PDSS2: variants seen among roughly 807,000 people sequenced by gnomAD.
The protein encoded by PDSS2 is all trans-polyprenyl-diphosphate synthase PDSS2.
In PDSS2, 31 loss-of-function variants were observed where a neutral mutation model predicts 44.5. The observed-to-expected ratio is 0.70, with a 90% CI of 0.52 to 0.94. The LOEUF (loss-of-function observed/expected upper bound fraction) is 0.94. Ranked by LOEUF, PDSS2 falls within the 40% of genes least tolerant of loss-of-function variation. PDSS2 has a pLI of 0.00. For missense variants in PDSS2, 452 were observed against 482.2 expected, an observed-to-expected ratio of 0.94 and a Z score of 0.59; for synonymous variants, 157 against 180.3, an observed-to-expected ratio of 0.87 and a Z score of 1.03.
intron 4 of PDSS2, among the ~76,000 whole-genome samples, chr6:107,229,335 C>G (rs145417515): frequency 6.6e-6 from 1 of 152,030 alleles, no homozygotes; most frequent in African/African-American, 2.4e-5. Flanking sequence ...TACAGGCGTG[C>G]ACCACCATGC....
At chr6:107,453,472 A>T (rs1781940391) in intron 1 of PDSS2, among the ~76,000 whole-genome samples, 1 of 151,644 alleles carries the variant, frequency 6.6e-6, no homozygotes, top group South Asian at 2.1e-4. Context: ...AAAAAAAACT[A>T]TCCTCCCTCC....
At chr6:107,356,662 A>G (rs1238355550) in intron 1 of PDSS2, among the ~76,000 whole-genome samples, 2 of 152,218 alleles carry the variant, frequency 1.3e-5, no homozygotes, top group Non-Finnish European at 2.9e-5. Context: ...CTCCTTTCAA[A>G]TTATTTGCAA....
rs149180183 is a variant in PDSS2, at chr6:107,420,631, T to C, written c.296+38359A>G. Among the ~76,000 whole-genome samples the C allele has an allele frequency of 2.3e-3, 356 of 151,886 alleles. 2 individuals carry two copies. Among genetic ancestry groups the C allele is most frequent in the African/African-American group, 8.0e-3 (333 of 41,424 alleles). On this transcript the variant is annotated intron_variant, in intron 1 of 7. Transcript: ENST00000369037. Reference sequence around the variant, plus strand: ...ACAACTGGACATCCATGGGCAAAAATAAAAAATAAAATAGAAGCTTGACTT... The same window carrying C: ...ACAACTGGACATCCATGGGCAAAAACAAAAAATAAAATAGAAGCTTGACTT...
At chr6:107,312,475 T>G (rs1232769089) in intron 2 of PDSS2, among the ~76,000 whole-genome samples, 1 of 152,198 alleles carries the variant, frequency 6.6e-6, no homozygotes, top group Non-Finnish European at 1.5e-5. Flanking sequence ...GCCCCACTAC[T>G]ATGTCACTTT....
chr6:107,246,463 T>C (rs1418404878), intron 3 of PDSS2, among the ~76,000 whole-genome samples: 1 of 152,216 alleles, frequency 6.6e-6, no homozygotes, highest in Non-Finnish European at 1.5e-5. Context: ...TCTTGTATAT[T>C]TAACTTCCTA....
At position 107,162,931 on chromosome 6, in the gene PDSS2, TATCTAACATTTAGTC is replaced by T. The variant is rs1268852985; in HGVS notation, c.1042-8169_1042-8155del. Among the ~76,000 whole-genome samples the T allele has an allele frequency of 3.3e-5, 5 of 151,880 alleles. No individual in the cohort carries two copies. In the East Asian group the frequency reaches 7.7e-4, roughly 23 times the overall value. On this transcript the variant is annotated intron_variant, in intron 7 of 7. Coordinates refer to ENST00000369037, the MANE Select transcript of PDSS2 (RefSeq NM_020381.4). ...CGATAATTCTGGCACAGGGCTGAATTATCTAACATTTAGTCCAGGTGTAAATTTCTCCAATTGGTT... is the reference window on the plus strand; with the variant it reads ...CGATAATTCTGGCACAGGGCTGAATTCAGGTGTAAATTTCTCCAATTGGTT...
chr6:107,398,461 T>A (rs1288480964), intron 1 of PDSS2, among the ~76,000 whole-genome samples: 1 of 152,234 alleles, frequency 6.6e-6, no homozygotes, highest in Non-Finnish European at 1.5e-5. Context: ...TCTGAATTTC[T>A]GATACAGTAA....
chr6:107,159,234 A>G (rs1771026201), intron 7 of PDSS2, among the ~76,000 whole-genome samples: 1 of 151,330 alleles, frequency 6.6e-6, no homozygotes, highest in East Asian at 1.9e-4. Context: ...GTGATATACA[A>G]TAACCTCAAA....
intron 7 of PDSS2, among the ~76,000 whole-genome samples, chr6:107,190,537 A>G (rs1237192854): frequency 6.6e-6 from 1 of 152,208 alleles, no homozygotes; most frequent in Non-Finnish European, 1.5e-5. Flanking sequence ...TAAATGGATC[A>G]TTATAATATA....
At chr6:107,458,906 TGA>T (rs1782146586) in intron 1 of PDSS2, 82 bp downstream of exon 1, 3 of 1,214,848 alleles carry the variant, frequency 2.5e-6, no homozygotes, top group Non-Finnish European at 3.6e-6. Flanking sequence ...GGAGCCAGTC[TGA>T]GAGAGCTAGA....
chr6:107,205,695 G>A (rs1348502229), intron 6 of PDSS2, among the ~76,000 whole-genome samples: 1 of 152,054 alleles, frequency 6.6e-6, no homozygotes, highest in East Asian at 1.9e-4. Context: ...GTGTGGTTGT[G>A]TGCGTGTGTG....
intron 4 of PDSS2, among the ~76,000 whole-genome samples, chr6:107,239,746 A>G (rs987090059): frequency 7.0e-6 from 1 of 143,866 alleles, no homozygotes; most frequent in African/African-American, 2.6e-5. Flanking sequence ...GGTTCAAGCG[A>G]TTCTCCTGCC....
Position 107,153,305 on chromosome 6 carries a change from G to A in PDSS2, c.*1314C>T, listed in dbSNP as rs1003409942. The A allele has an allele frequency of 6.6e-6, 1 of 152,546 alleles. No homozygotes were observed. Among genetic ancestry groups the A allele is most frequent in the Admixed American group, 6.6e-5 (1 of 15,262 alleles). 9.4% of individuals were successfully genotyped at this position (152,546 alleles called of 1,614,324 possible). Reference sequence around the variant, plus strand: ...TCAACGGTGTTCTCAAATTGCATGAGTGCAAACCTCAAAAATCATCTCCTA... The same window carrying A: ...TCAACGGTGTTCTCAAATTGCATGAATGCAAACCTCAAAAATCATCTCCTA... On this transcript the variant is annotated 3_prime_UTR_variant, in exon 8 of 8. Coordinates refer to ENST00000369037, the MANE Select transcript of PDSS2 (RefSeq NM_020381.4).
chr6:107,165,157 T>C (rs1486870486), intron 7 of PDSS2, among the ~76,000 whole-genome samples: 1 of 152,168 alleles, frequency 6.6e-6, no homozygotes, highest in African/African-American at 2.4e-5. Flanking sequence ...GTGCAGAAGC[T>C]CTTTAGTTTA....
At chr6:107,356,179 T>C (rs548192035) in intron 1 of PDSS2, among the ~76,000 whole-genome samples, 25 of 152,372 alleles carry the variant, frequency 1.6e-4, no homozygotes, top group African/African-American at 5.3e-4. Flanking sequence ...CAGATTACCA[T>C]TATTAGAAAG....
At chr6:107,362,466 T>C (rs931202654) in intron 1 of PDSS2, among the ~76,000 whole-genome samples, 1 of 152,008 alleles carries the variant, frequency 6.6e-6, no homozygotes, top group African/African-American at 2.4e-5. Context: ...AGGGATAAAA[T>C]AGTGAGAAGA....
At chr6:107,280,749 T>C (rs557392365) in intron 2 of PDSS2, among the ~76,000 whole-genome samples, 112 of 152,226 alleles carry the variant, frequency 7.4e-4, no homozygotes, top group Non-Finnish European at 1.4e-3. Flanking sequence ...TCTTCAAATG[T>C]TTTGCATTTA....
At chr6:107,370,728 G>T (rs1014117485) in intron 1 of PDSS2, among the ~76,000 whole-genome samples, 8 of 152,130 alleles carry the variant, frequency 5.3e-5, no homozygotes, top group African/African-American at 1.9e-4. Flanking sequence ...AACAACTCAA[G>T]AATAATTTAT....
intron 7 of PDSS2, among the ~76,000 whole-genome samples, chr6:107,173,919 T>C (rs886691036): frequency 3.9e-5 from 6 of 152,226 alleles, no homozygotes; most frequent in South Asian, 2.1e-4. Flanking sequence ...TCATGAAAAA[T>C]GTTGAGAATC....
Sources: allele counts gnomAD v4.1 joint callset (sites outside exome capture counted in the v4.1 genomes callset), GRCh38; gene constraint gnomAD v4.1.1; transcripts MANE v1.5; gene names NCBI Gene and HGNC (gene_info 2026-07-23, HGNC 2026-07-21).